KLHL15: variants seen among roughly 807,000 people sequenced by gnomAD.
The protein encoded by KLHL15 is kelch-like protein 15.
In KLHL15, 1 loss-of-function variant was observed where a neutral mutation model predicts 29.3. The observed-to-expected ratio is 0.03, with a 90% CI of 0.01 to 0.16. KLHL15 has a LOEUF of 0.16. Among genes scored for constraint, KLHL15 ranks in the 10% least tolerant of loss-of-function variants. KLHL15 has a pLI of 1.00. For synonymous variants in KLHL15, 212 were observed against 184.5 expected (o/e 1.15, Z -1.21); for missense variants, 215 against 478.5 (o/e 0.45, Z 5.14).
At chrX:23,996,689 CTG>C (rs1409685382) in intron 3 of KLHL15, among the ~76,000 whole-genome samples, 1 of 111,521 alleles carries the variant, frequency 9.0e-6, no homozygotes, top group Non-Finnish European at 1.9e-5. Flanking sequence ...CAAAAAAACC[CTG>C]TATCAGCTAC....
intron 3 of KLHL15, among the ~76,000 whole-genome samples, chrX:23,989,408 C>T (rs1394245262): frequency 1.8e-5 from 2 of 111,277 alleles, no homozygotes; most frequent in East Asian, 5.6e-4. Context: ...AACTCCTGAC[C>T]TTGTGATCCA....
intron 3 of KLHL15, among the ~76,000 whole-genome samples, chrX:24,000,957 A>T (rs996805289): frequency 3.6e-5 from 4 of 112,524 alleles, no homozygotes; most frequent in African/African-American, 1.3e-4. Flanking sequence ...ATACACATTT[A>T]AAAATGTACC....
intron 2 of KLHL15, among the ~76,000 whole-genome samples, chrX:24,007,054 A>C (rs189464713): frequency 9.0e-6 from 1 of 110,534 alleles, no homozygotes; most frequent in Non-Finnish European, 1.9e-5. Flanking sequence ...GTAGCTGGGC[A>C]TGGTGGCACA....
At chrX:24,009,102 T>C (rs1054800953) in intron 2 of KLHL15, among the ~76,000 whole-genome samples, 15 of 111,827 alleles carry the variant, frequency 1.3e-4, no homozygotes, top group Admixed American at 3.8e-4. Flanking sequence ...CTCACACCTG[T>C]AATCCCAGCA....
Position 23,987,884 on chromosome X carries a change from ACTTTGTTTGCCTC to A in KLHL15, c.*24_*36del, listed in dbSNP as rs754754581. On this transcript the variant is annotated 3_prime_UTR_variant, in exon 4 of 4. Transcript: ENST00000328046. ...AATTAATTACTCTGTGCAAACAAAT[ACTTTGTTTGCCTC>A]TTTTTTTAGGGAGGAGGATGTCATT... 6.8e-5 allele frequency: 77 copies of A among 1,131,000 alleles called. No homozygotes were observed. The highest frequency in any genetic ancestry group is 9.1e-5 in the Non-Finnish European group (77 of 844,430). 93.2% of individuals were successfully genotyped at this position (1,131,000 alleles called of 1,213,427 possible).
chrX:24,022,621 A>T (rs1929833761), intron 2 of KLHL15, among the ~76,000 whole-genome samples: 1 of 100,934 alleles, frequency 9.9e-6, no homozygotes, highest in East Asian at 3.3e-4. Flanking sequence ...CCTGGGCGAC[A>T]GAACAAGACT....
At chrX:23,999,576 A>C (rs1198395034) in intron 3 of KLHL15, among the ~76,000 whole-genome samples, 1 of 94,864 alleles carries the variant, frequency 1.1e-5, no homozygotes, top group Admixed American at 1.1e-4. Context: ...GCCTGGGCGA[A>C]AGAGCGAGAC....
At chrX:24,012,717 C>T (rs1929599875) in intron 2 of KLHL15, among the ~76,000 whole-genome samples, 1 of 111,307 alleles carries the variant, frequency 9.0e-6, no homozygotes, top group African/African-American at 3.3e-5. Context: ...TTTGACATCT[C>T]AAAATCAACA....
intron 3 of KLHL15, among the ~76,000 whole-genome samples, chrX:23,992,840 A>T (rs1431543585): frequency 8.9e-6 from 1 of 112,471 alleles, no homozygotes; most frequent in Non-Finnish European, 1.9e-5. Flanking sequence ...ACATAAAACA[A>T]GTATTATAAC....
intron 3 of KLHL15, among the ~76,000 whole-genome samples, chrX:23,994,067 A>G (rs1335257666): frequency 1.8e-5 from 2 of 109,375 alleles, no homozygotes; most frequent in African/African-American, 6.7e-5. Flanking sequence ...AAAAAAGAAA[A>G]AAAGAAAATA....
intron 2 of KLHL15, among the ~76,000 whole-genome samples, chrX:24,022,219 C>T (rs1929820477): frequency 9.3e-6 from 1 of 107,428 alleles, no homozygotes; most frequent in African/African-American, 3.4e-5. Flanking sequence ...TCTGTAATCC[C>T]AGTTACTCGG....
chrX:24,007,258 C>G (rs1235913354), intron 2 of KLHL15, among the ~76,000 whole-genome samples: 2 of 108,209 alleles, frequency 1.8e-5, no homozygotes, highest in African/African-American at 6.7e-5. Context: ...TTTGGGAGGC[C>G]GAAGTGGGTG....
At position 24,016,339 on chromosome X, in the gene KLHL15, CAAAAAAA is replaced by C. The variant is rs755683770; in HGVS notation, c.-8+8511_-8+8517del. ...TGGGCGACAGAGCAAGACTCTGTCT[CAAAAAAA>C]AAAAAAAAAAAAAAAAAAAAAAGGG... On this transcript the variant is annotated intron_variant, in intron 2 of 3. Transcript: ENST00000328046. Among the ~76,000 whole-genome samples the C allele has an allele frequency of 6.9e-4, 15 of 21,689 alleles. 1 individual carries two copies. The highest frequency in any genetic ancestry group is 1.2e-3 in the African/African-American group (8 of 6,911). The allele number at this position is 21,689 out of a possible 115,157, so 18.8% of individuals were successfully genotyped here.
chrX:24,015,207 C>A (rs746550530), intron 2 of KLHL15, among the ~76,000 whole-genome samples: 1 of 112,229 alleles, frequency 8.9e-6, no homozygotes, highest in Non-Finnish European at 1.9e-5. Flanking sequence ...TCTTGGCCTT[C>A]TCTCTGCATC....
Position 23,988,713 on chromosome X carries a change from A to C in KLHL15, c.1023T>G (p.Gly341=), listed in dbSNP as rs774823366. 9.0e-5 allele frequency: 109 copies of C among 1,209,870 alleles called. No homozygotes were observed. The highest frequency in any genetic ancestry group is 8.7e-4 in the African/African-American group (50 of 57,190). Residue 341 remains glycine (G), a synonymous_variant, in exon 4 of 4, where the codon GGT becomes GGG. Transcript: ENST00000328046. ...LLGGEELGPD[G]EFHASSKVFR... is the part of the protein sequence containing the mutation. ...ATACTTTGGAAGAAGCATGGAATTC[A>C]CCATCCGGGCCCAGCTCTTCCCCGC...
intron 3 of KLHL15, among the ~76,000 whole-genome samples, chrX:23,996,833 C>T (rs1048362064): frequency 2.7e-5 from 3 of 111,721 alleles, no homozygotes; most frequent in African/African-American, 9.8e-5. Flanking sequence ...TATTGATTTA[C>T]GTAAAACAAA....
intron 1 of KLHL15, 48 bp from the exon 2 acceptor site, chrX:24,025,106 C>T (rs1229385092): frequency 1.0e-5 from 3 of 294,984 alleles, no homozygotes; most frequent in Non-Finnish European, 1.8e-5. Context: ...AGTCGGGCTC[C>T]GCACGAGGCG....
intron 2 of KLHL15, among the ~76,000 whole-genome samples, chrX:24,017,635 G>C (rs762459465): frequency 6.3e-4 from 69 of 109,027 alleles, no homozygotes; most frequent in African/African-American, 2.2e-3. Context: ...ATAAAAATTA[G>C]TCAGACGTGG....
Position 24,025,066 on chromosome X carries a change from A to G in KLHL15, c.-209-8T>C, listed in dbSNP as rs188174182. On this transcript the variant is annotated splice_region_variant and splice_polypyrimidine_tract_variant and intron_variant, in intron 1 of 3. Transcript: ENST00000328046. ...GCCCCCTCTGGATAAGTCCTGGGAA[A>G]GAAGACAGCGCTGAGTCGAGAAACC... is the stretch of plus-strand genomic sequence containing the variant. The G allele has an allele frequency of 1.2e-3, 350 of 296,470 alleles. No individual in the cohort carries two copies. Among genetic ancestry groups the G allele is most frequent in the African/African-American group, 8.9e-3 (327 of 36,920 alleles). 24.4% of individuals were successfully genotyped at this position (296,470 alleles called of 1,213,427 possible).
Sources: allele counts gnomAD v4.1 joint callset (sites outside exome capture counted in the v4.1 genomes callset), GRCh38; gene constraint gnomAD v4.1.1; transcripts MANE v1.5; gene names NCBI Gene and HGNC (gene_info 2026-07-23, HGNC 2026-07-21).